SPHKAP: variants seen among roughly 807,000 people sequenced by gnomAD.
SPHKAP encodes the protein A-kinase anchor protein SPHKAP.
Under a neutral mutation model 137.5 loss-of-function variants are expected in SPHKAP, and 67 were observed. The ratio of observed to expected loss-of-function variants is 0.49; its 90% confidence interval spans 0.40 to 0.60. The LOEUF is 0.60. Ranked by LOEUF, SPHKAP falls within the 20% of genes least tolerant of loss-of-function variation. The pLI is 0.00. For missense variants in SPHKAP, 2,097 were observed against 2,069.3 expected (o/e 1.01, Z -0.26); for synonymous variants, 813 against 785.3 (o/e 1.04, Z -0.59).
chr2:228,003,326 G>A (rs1353451802), intron 7 of SPHKAP, among the ~76,000 whole-genome samples: 2 of 152,132 alleles, frequency 1.3e-5, no homozygotes, highest in Non-Finnish European at 2.9e-5. Flanking sequence ...TCTCTTTGAA[G>A]CAATTGTGAA....
chr2:228,147,710 A>G lies in SPHKAP; in HGVS notation c.33-15625T>C, dbSNP rs1480063172. Among the ~76,000 whole-genome samples, 3 of 152,172 alleles carry G rather than the reference A, an allele frequency of 2.0e-5. No individual in the cohort carries two copies. In the South Asian group the frequency reaches 6.2e-4, roughly 31 times the overall value. ...TACAAGCTTTGTTGTTACCGAAGGG[A>G]GATAACTTCAGTCAATGGTAATAAA... is the stretch of plus-strand genomic sequence containing the variant. On this transcript the variant is annotated intron_variant, in intron 1 of 11. Transcript: ENST00000392056.
intron 1 of SPHKAP, among the ~76,000 whole-genome samples, chr2:228,151,392 A>C (rs1466941183): frequency 6.6e-6 from 1 of 151,898 alleles, no homozygotes; most frequent in Non-Finnish European, 1.5e-5. Context: ...CGCAATAAAC[A>C]TACGTGTGCA....
intron 2 of SPHKAP, among the ~76,000 whole-genome samples, chr2:228,122,622 G>A (rs1698949456): frequency 6.6e-6 from 1 of 152,170 alleles, no homozygotes. Context: ...ATGCAACACA[G>A]GCAGTCCCAC....
At chr2:228,038,919 C>T (rs2106254695) in intron 3 of SPHKAP, among the ~76,000 whole-genome samples, 1 of 152,310 alleles carries the variant, frequency 6.6e-6, no homozygotes, top group African/African-American at 2.4e-5. Flanking sequence ...ACAGAAGCTA[C>T]AGGAGAATTA....
intron 3 of SPHKAP, among the ~76,000 whole-genome samples, chr2:228,098,630 G>C (rs1433961432): frequency 1.3e-5 from 2 of 152,072 alleles, no homozygotes; most frequent in African/African-American, 4.8e-5. Flanking sequence ...TGGGGTGGGG[G>C]AGGGATAGCA....
chr2:228,105,713 A>G (rs1186762437), intron 3 of SPHKAP, among the ~76,000 whole-genome samples: 2 of 152,094 alleles, frequency 1.3e-5, no homozygotes, highest in Non-Finnish European at 2.9e-5. Context: ...TAAGTCTCAC[A>G]AGAGCTGATG....
intron 1 of SPHKAP, among the ~76,000 whole-genome samples, chr2:228,170,799 C>G (rs1464704076): frequency 6.6e-6 from 1 of 152,058 alleles, no homozygotes; most frequent in African/African-American, 2.4e-5. Flanking sequence ...TTTTCTGGAA[C>G]CAAGCCTACC....
rs191141294 is a variant in SPHKAP, at chr2:227,987,963, C to T, written c.4959+3037G>A. Among the ~76,000 whole-genome samples the T allele has an allele frequency of 1.2e-4, 18 of 152,254 alleles. 1 individual carries two copies. In the East Asian group the frequency reaches 3.3e-3, roughly 28 times the overall value. Reference sequence around the variant, plus strand: ...CAGTGGGAAGATGACATTTTCTGGACTTTGTAGAGACTTTTCTTTAACCTT... The same window carrying T: ...CAGTGGGAAGATGACATTTTCTGGATTTTGTAGAGACTTTTCTTTAACCTT... On this transcript the variant is annotated intron_variant, in intron 11 of 11. Transcript: ENST00000392056.
At chr2:228,072,449 T>G (rs1697033716) in intron 3 of SPHKAP, among the ~76,000 whole-genome samples, 1 of 152,162 alleles carries the variant, frequency 6.6e-6, no homozygotes, top group African/African-American at 2.4e-5. Context: ...AAGCTACTTT[T>G]GCATGATGTG....
intron 3 of SPHKAP, among the ~76,000 whole-genome samples, chr2:228,068,564 A>G (rs1417079525): frequency 6.6e-6 from 1 of 152,196 alleles, no homozygotes; most frequent in Non-Finnish European, 1.5e-5. Context: ...CTTGTTTTCA[A>G]CAAAGGTGCC....
At chr2:228,097,086 T>C (rs548575134) in intron 3 of SPHKAP, among the ~76,000 whole-genome samples, 9 of 152,260 alleles carry the variant, frequency 5.9e-5, no homozygotes, top group Non-Finnish European at 1.2e-4. Context: ...TGAAGAGAAA[T>C]AGAAAATTAT....
At chr2:228,124,308 A>G (rs1288846600) in intron 2 of SPHKAP, among the ~76,000 whole-genome samples, 1 of 132,164 alleles carries the variant, frequency 7.6e-6, no homozygotes, top group East Asian at 2.7e-4. Flanking sequence ...AGCACTATTC[A>G]CAATAGCAAA....
At position 228,020,199 on chromosome 2, in the gene SPHKAP, C is replaced by A. The variant is rs968524109; in HGVS notation, c.698-43G>T. Reference sequence around the variant, plus strand: ...AGGGGCACTATTACTTTTTGGATAGCAGGTTACCATAAGTCTTAAGTAATA... The same window carrying A: ...AGGGGCACTATTACTTTTTGGATAGAAGGTTACCATAAGTCTTAAGTAATA... On this transcript the variant is annotated intron_variant, in intron 6 of 11. Transcript: ENST00000392056. The A allele has an allele frequency of 1.0e-5, 16 of 1,533,674 alleles. No homozygotes were observed. In the East Asian group the frequency reaches 3.6e-4, roughly 34 times the overall value.
At position 228,133,778 on chromosome 2, in the gene SPHKAP, A is replaced by G. The variant is rs1186904891; in HGVS notation, c.33-1693T>C. Among the ~76,000 whole-genome samples, 3 of 152,208 alleles carry G rather than the reference A, an allele frequency of 2.0e-5. No individual in the cohort carries two copies. In the East Asian group the frequency reaches 5.8e-4, roughly 29 times the overall value. On this transcript the variant is annotated intron_variant, in intron 1 of 11. Transcript: ENST00000392056. ...CAATTTTCAATTAGCCATAAGTCAC[A>G]CAGGGCATTAGTGTAGCCTTTTGGC...
chr2:228,014,526 G>A (rs1218521844), intron 7 of SPHKAP, among the ~76,000 whole-genome samples: 3 of 152,088 alleles, frequency 2.0e-5, no homozygotes, highest in Non-Finnish European at 2.9e-5. Flanking sequence ...TTGCTTTTAC[G>A]TTTTCATGCT....
At chr2:228,137,359 G>C (rs1402763341) in intron 1 of SPHKAP, among the ~76,000 whole-genome samples, 1 of 152,170 alleles carries the variant, frequency 6.6e-6, no homozygotes, top group Non-Finnish European at 1.5e-5. Context: ...GCACAAACAA[G>C]TGTTTGAATT....
rs891972048 is a variant in SPHKAP at position 228,053,949 on chromosome 2, C to T, written c.247-26406G>A. ...AGAGATAAATTAATGTATTTAATCA[C>T]CTATGTTTAGTGCATTGCTTCAAAC... On this transcript the variant is annotated intron_variant, in intron 3 of 11. Coordinates refer to ENST00000392056, the MANE Select transcript of SPHKAP (RefSeq NM_001142644.2). 5.3e-5 allele frequency among the ~76,000 whole-genome samples: 8 copies of T among 152,178 alleles called. No homozygotes were observed. In the South Asian group the frequency reaches 1.4e-3, roughly 28 times the overall value.
At chr2:228,134,913 G>A (rs1306063600) in intron 1 of SPHKAP, among the ~76,000 whole-genome samples, 2 of 152,116 alleles carry the variant, frequency 1.3e-5, no homozygotes, top group Non-Finnish European at 2.9e-5. Context: ...AGTAGGAAAT[G>A]GGCAAACTGA....
intron 2 of SPHKAP, among the ~76,000 whole-genome samples, chr2:228,127,963 A>G (rs1373898697): frequency 2.0e-5 from 3 of 152,220 alleles, no homozygotes; most frequent in Non-Finnish European, 4.4e-5. Context: ...AATGCTAGCA[A>G]TCATCTGAGC....
Sources: gnomAD v4.1 joint callset for allele counts (sites outside exome capture counted in the v4.1 genomes callset) on GRCh38, gnomAD v4.1.1 for gene constraint, MANE v1.5 for transcripts, NCBI Gene and HGNC (gene_info 2026-07-23, HGNC 2026-07-21) for gene names.